The following OPN5 variants were observed in gnomAD, a reference collection of about 807,000 sequenced individuals.
OPN5 encodes opsin 5.
In OPN5, 18 loss-of-function variants were observed where a neutral mutation model predicts 41.7. The ratio of observed to expected loss-of-function variants is 0.43; its 90% CI spans 0.30 to 0.64. OPN5 has a LOEUF of 0.64. OPN5 is among the 30% of genes least tolerant of loss of function. The probability of loss-of-function intolerance (pLI) is 0.13; values close to 1 mark genes in which losing one functional copy is unlikely to be tolerated. For synonymous variants in OPN5, 178 were observed against 164.3 expected (o/e 1.08, Z -0.64); for missense variants, 318 against 434.5 (o/e 0.73, Z 2.38).
At chr6:47,787,940 G>T (rs1294173002) in intron 2 of OPN5, among the ~76,000 whole-genome samples, 1 of 152,126 alleles carries the variant, frequency 6.6e-6, no homozygotes, top group Admixed American at 6.5e-5. Context: ...TTCGCAAGTG[G>T]ATTTTTCTGC....
intron 4 of OPN5, among the ~76,000 whole-genome samples, chr6:47,799,109 T>C (rs577470364): frequency 6.6e-6 from 1 of 152,110 alleles, no homozygotes; most frequent in Non-Finnish European, 1.5e-5. Context: ...ACTTTGTAGC[T>C]TTTTTCTAAT....
chr6:47,802,563 A>T (rs1282894782), intron 4 of OPN5, among the ~76,000 whole-genome samples: 1 of 152,108 alleles, frequency 6.6e-6, no homozygotes, highest in Non-Finnish European at 1.5e-5. Context: ...TATGAAAATG[A>T]CTAGATTTGT....
chr6:47,787,855 C>T (rs1773239552), intron 2 of OPN5, among the ~76,000 whole-genome samples: 1 of 152,178 alleles, frequency 6.6e-6, no homozygotes, highest in Admixed American at 6.5e-5. Context: ...TATGGTACTA[C>T]CACTGCACTC....
exon 7 of OPN5, chr6:47,824,096 C>A: frequency 1.2e-6 from 1 of 847,222 alleles, no homozygotes; most frequent in Non-Finnish European, 2.0e-6. Flanking sequence ...CTCGCCTCCA[C>A]TCCACTTACC....
exon 7 of OPN5, chr6:47,824,402 A>G (rs1762731267): frequency 4.4e-6 from 1 of 225,068 alleles, no homozygotes; most frequent in East Asian, 9.7e-5. Flanking sequence ...GATTTGTTCT[A>G]TTGCAGATGA....
intron 1 of OPN5, among the ~76,000 whole-genome samples, chr6:47,783,251 T>G (rs1369853246): frequency 6.6e-6 from 1 of 152,158 alleles, no homozygotes; most frequent in Non-Finnish European, 1.5e-5. Context: ...TTAAAATTGT[T>G]GTTTTAACTT....
At chr6:47,822,528 C>T (rs562169588) in intron 6 of OPN5, among the ~76,000 whole-genome samples, 8 of 152,180 alleles carry the variant, frequency 5.3e-5, no homozygotes, top group Non-Finnish European at 7.3e-5. Context: ...TGAAACATGA[C>T]AGCACCAACT....
chr6:47,818,288 C>T (rs1473308503), intron 6 of OPN5, among the ~76,000 whole-genome samples: 2 of 152,134 alleles, frequency 1.3e-5, no homozygotes, highest in Non-Finnish European at 2.9e-5. Flanking sequence ...CAGAATAGAT[C>T]TGAATCTACA....
At chr6:47,811,446 A>G (rs879846835) in intron 5 of OPN5, among the ~76,000 whole-genome samples, 6 of 152,174 alleles carry the variant, frequency 3.9e-5, no homozygotes, top group Non-Finnish European at 8.8e-5. Flanking sequence ...GGCATACGAA[A>G]TGTGCTGTAA....
chr6:47,795,398 G>A, exon 4 of OPN5: 1 of 1,614,142 alleles, frequency 6.2e-7, no homozygotes, highest in Non-Finnish European at 8.5e-7. Context: ...TAGGGGGCCA[G>A]GTTTTCATCC....
At chr6:47,782,856 G>A (rs1438936389) in intron 1 of OPN5, among the ~76,000 whole-genome samples, 1 of 152,194 alleles carries the variant, frequency 6.6e-6, no homozygotes, top group Non-Finnish European at 1.5e-5. Flanking sequence ...GTAGCCACAT[G>A]TGGCTTTTCC....
In OPN5 at chr6:47,783,666, C is replaced by T. The variant is rs140013660; in HGVS notation, c.130+1470C>T. ...CTTTTCAACATAAATATATATTGAG[C>T]GCCCACTCTTTGCCACTGTTTTAAG... On this transcript the variant is annotated intron_variant, in intron 1 of 6. Coordinates refer to ENST00000371211, the Ensembl canonical transcript of OPN5. 2.4e-4 allele frequency among the ~76,000 whole-genome samples: 37 copies of T among 152,168 alleles called. No homozygotes were observed. The East Asian group carries it at 7.0e-3, about 29-fold the overall frequency.
exon 7 of OPN5, chr6:47,824,339 G>A (rs1348809092): frequency 2.9e-6 from 1 of 343,430 alleles, no homozygotes; most frequent in African/African-American, 2.1e-5. Context: ...CCTGATTCAA[G>A]GAGATCAGGC....
exon 5 of OPN5, chr6:47,808,302 A>G: frequency 6.2e-7 from 1 of 1,613,990 alleles, no homozygotes; most frequent in Non-Finnish European, 8.5e-7. Flanking sequence ...GCGATGTACA[A>G]TCCCATCATT....
chr6:47,812,396 G>C (rs995729932), intron 6 of OPN5, among the ~76,000 whole-genome samples: 1 of 152,138 alleles, frequency 6.6e-6, no homozygotes, highest in Non-Finnish European at 1.5e-5. Context: ...GATGTAACAG[G>C]GCATTATGAG....
chr6:47,786,131 TA>T (rs1773183183), intron 1 of OPN5, among the ~76,000 whole-genome samples: 1 of 152,228 alleles, frequency 6.6e-6, no homozygotes, highest in African/African-American at 2.4e-5. Flanking sequence ...TATCAAGAGC[TA>T]AGGGTTTAAC....
At position 47,790,392 on chromosome 6, in the gene OPN5, ACTCTCTCTCTCTTT is replaced by A. The variant is rs141589108; in HGVS notation, c.251-1399_251-1386del. On this transcript the variant is annotated intron_variant, in intron 2 of 6. Coordinates refer to ENST00000371211, the Ensembl canonical transcript of OPN5. ...CCTACCTACTTCCCCTTCAGGGGAC[ACTCTCTCTCTCTTT>A]CTCTCTCTCTGTGTCTCTCTCTCAT... 0.019 allele frequency among the ~76,000 whole-genome samples: 2,920 copies of A among 151,816 alleles called. 271 individuals carry two copies. In the East Asian group the frequency reaches 0.3, roughly 16 times the overall value.
intron 4 of OPN5, among the ~76,000 whole-genome samples, chr6:47,795,959 G>T (rs888371595): frequency 2.6e-5 from 4 of 152,154 alleles, no homozygotes; most frequent in African/African-American, 9.7e-5. Context: ...TTTCTGCGTT[G>T]CATGGACTTT....
rs1363889642 is a variant in OPN5 at position 47,823,980 on chromosome 6, C to A, written c.1057-3C>A. The A allele has an allele frequency of 6.5e-7, 1 of 1,549,972 alleles. No individual in the cohort carries two copies. Among genetic ancestry groups the A allele is most frequent in the Non-Finnish European group, 8.7e-7 (1 of 1,145,438 alleles). ...CTAAAACTCAATTTTTTCTTCTCTA[C>A]AGTGGGAATAACAAATGTTCTGGTT... On this transcript the variant is annotated splice_polypyrimidine_tract_variant and splice_region_variant and intron_variant, in intron 6 of 6. Transcript: ENST00000371211.
Sources: allele counts gnomAD v4.1 joint callset (sites outside exome capture counted in the v4.1 genomes callset), GRCh38; gene constraint gnomAD v4.1.1; transcripts MANE v1.5; gene names NCBI Gene and HGNC (gene_info 2026-07-23, HGNC 2026-07-21).